Variants in ZNF730 observed in about 807,000 individuals in gnomAD.
ZNF730 encodes putative zinc finger protein 730.
A neutral mutation model predicts 12.6 loss-of-function variants in ZNF730; 12 were observed. The ratio of observed to expected loss-of-function variants is 0.95; its 90% CI spans 0.61 to 1.54. The LOEUF is 1.54. ZNF730 is among the 40% of genes most tolerant of loss of function. The pLI is 0.00. For missense variants in ZNF730, 643 were observed against 583.5 expected (o/e 1.10, Z -1.05); for synonymous variants, 194 against 195.8 (o/e 0.99, Z 0.08).
chr19:23,082,994 C>T (rs926534249), intron 1 of ZNF730, among the ~76,000 whole-genome samples: 8 of 152,136 alleles, frequency 5.3e-5, no homozygotes, highest in Non-Finnish European at 7.3e-5. Flanking sequence ...CCACCGGACC[C>T]GGCCTTTTTT....
intron 1 of ZNF730, among the ~76,000 whole-genome samples, chr19:23,088,340 A>G (rs576948992): frequency 6.6e-6 from 1 of 152,090 alleles, no homozygotes; most frequent in East Asian, 1.9e-4. Context: ...TTCAACGAGA[A>G]TGTTTCCAGT....
At chr19:23,141,619 C>A (rs1008940828) in intron 3 of ZNF730, among the ~76,000 whole-genome samples, 12 of 151,886 alleles carry the variant, frequency 7.9e-5, no homozygotes, top group African/African-American at 2.9e-4. Context: ...AGAGCACAAT[C>A]AAGAGTGTGT....
intron 1 of ZNF730, among the ~76,000 whole-genome samples, chr19:23,119,992 CTTTTTTTT>C (rs539722897): frequency 7.5e-6 from 1 of 132,580 alleles, no homozygotes; most frequent in African/African-American, 2.7e-5. Context: ...CACTTTCTTT[CTTTTTTTT>C]TTTTTTTTTT....
intron 1 of ZNF730, among the ~76,000 whole-genome samples, chr19:23,086,986 C>T (rs1970072801): frequency 6.6e-6 from 1 of 152,064 alleles, no homozygotes; most frequent in Non-Finnish European, 1.5e-5. Context: ...TGTAGTTCTC[C>T]TTGTAGAGAT....
At chr19:23,122,442 C>T (rs1260472675) in intron 1 of ZNF730, among the ~76,000 whole-genome samples, 1 of 151,928 alleles carries the variant, frequency 6.6e-6, no homozygotes, top group African/African-American at 2.4e-5. Context: ...CACATCGGGC[C>T]GTTTAAAGCT....
intron 1 of ZNF730, among the ~76,000 whole-genome samples, chr19:23,099,456 T>C (rs550276247): frequency 6.6e-6 from 1 of 152,320 alleles, no homozygotes; most frequent in East Asian, 1.9e-4. Flanking sequence ...GAGATTGTCA[T>C]CTGCTTAAAT....
In ZNF730 at chr19:23,085,836, C is replaced by CTTTTTTTTTTTTTTTTT. The variant is rs556123915; in HGVS notation, c.-94+10460_-94+10476dup. 1.1e-3 allele frequency among the ~76,000 whole-genome samples: 60 copies of CTTTTTTTTTTTTTTTTT among 54,852 alleles called. 16 individuals are homozygous for CTTTTTTTTTTTTTTTTT. Among genetic ancestry groups the CTTTTTTTTTTTTTTTTT allele is most frequent in the African/African-American group, 2.4e-3 (29 of 12,030 alleles). 36.0% of individuals were successfully genotyped at this position (54,852 alleles called of 152,430 possible). A position where few individuals can be genotyped will look rare whatever the true frequency, so the allele number is the denominator to read the frequency against. On this transcript the variant is annotated intron_variant, in intron 1 of 2. Transcript: ENST00000593635. ...GACCTATTTCACCCAATTTTTTTTT[C>CTTTTTTTTTTTTTTTTT]TTTTTTTTTTTTTTTTTTTTTTTTT...
chr19:23,138,962 A>G (rs1005772569), intron 3 of ZNF730, among the ~76,000 whole-genome samples: 6 of 152,100 alleles, frequency 3.9e-5, no homozygotes, highest in Non-Finnish European at 8.8e-5. Context: ...CATCTTACTG[A>G]TGTCACTCTC....
intron 1 of ZNF730, among the ~76,000 whole-genome samples, chr19:23,101,166 G>A (rs1380273513): frequency 6.6e-6 from 1 of 152,108 alleles, no homozygotes; most frequent in Non-Finnish European, 1.5e-5. Context: ...CATAGCACAT[G>A]CGTGAGATTT....
intron 3 of ZNF730, among the ~76,000 whole-genome samples, chr19:23,142,467 A>G (rs546336053): frequency 6.6e-6 from 1 of 151,768 alleles, no homozygotes; most frequent in South Asian, 2.1e-4. Context: ...GCAGATCACA[A>G]GGTCAGGAGA....
chr19:23,096,664 A>G (rs1599575774), intron 1 of ZNF730, among the ~76,000 whole-genome samples: 1 of 152,128 alleles, frequency 6.6e-6, no homozygotes, highest in East Asian at 1.9e-4. Flanking sequence ...TGAGCCCATC[A>G]TTTAGGTGAT....
chr19:23,146,584 A>G lies in ZNF730; in HGVS notation c.*28A>G. ...TTGTAAAGACTGTGGCAAAGCTTTT[A>G]AACAATCTTTATACCTTACTACACA... On this transcript the variant is annotated 3_prime_UTR_variant, in exon 4 of 4. Transcript: ENST00000597761. 1 of 1,589,930 alleles carries G rather than the reference A, an allele frequency of 6.3e-7. No homozygotes were observed. The highest frequency in any genetic ancestry group is 2.2e-5 in the East Asian group (1 of 44,576).
At chr19:23,138,986 ACTTT>A (rs1486679422) in intron 3 of ZNF730, among the ~76,000 whole-genome samples, 1 of 151,932 alleles carries the variant, frequency 6.6e-6, no homozygotes, top group African/African-American at 2.4e-5. Flanking sequence ...GTACATTTTT[ACTTT>A]CTATTTCAAT....
chr19:23,103,421 G>A (rs980263607), intron 1 of ZNF730, among the ~76,000 whole-genome samples: 3 of 152,158 alleles, frequency 2.0e-5, no homozygotes, highest in African/African-American at 4.8e-5. Flanking sequence ...CTTTGTTAAC[G>A]GTTATAACAG....
chr19:23,118,299 C>G (rs190478229), intron 1 of ZNF730, among the ~76,000 whole-genome samples: 3 of 151,210 alleles, frequency 2.0e-5, no homozygotes, highest in Admixed American at 2.0e-4. Context: ...CTCTGTGCCT[C>G]TTTTTCTTTT....
intron 1 of ZNF730, among the ~76,000 whole-genome samples, chr19:23,086,722 G>A (rs1970069263): frequency 6.6e-6 from 1 of 152,140 alleles, no homozygotes. Context: ...GTAGTGTGAT[G>A]CCTCCAGCTT....
chr19:23,143,203 C>G (rs1173673272), intron 3 of ZNF730, among the ~76,000 whole-genome samples: 8 of 152,032 alleles, frequency 5.3e-5, no homozygotes, highest in Admixed American at 5.2e-4. Context: ...CGAAATAGTG[C>G]CACTGCACTC....
At chr19:23,095,643 A>G (rs1269252667) in intron 1 of ZNF730, 8 of 389,276 alleles carry the variant, frequency 2.1e-5, no homozygotes, top group Non-Finnish European at 2.7e-5. Context: ...GTGGTGGTGT[A>G]TTGCTGGGCC....
intron 1 of ZNF730, among the ~76,000 whole-genome samples, chr19:23,111,695 G>C (rs970475674): frequency 1.3e-5 from 2 of 151,772 alleles, no homozygotes; most frequent in African/African-American, 4.8e-5. Context: ...GTTTCAGTGA[G>C]CCGACATCAC....
Sources: allele counts gnomAD v4.1 joint callset (sites outside exome capture counted in the v4.1 genomes callset), GRCh38; gene constraint gnomAD v4.1.1; transcripts MANE v1.5; gene names NCBI Gene and HGNC (gene_info 2026-07-23, HGNC 2026-07-21).